IL1R2: variants seen among roughly 807,000 people sequenced by gnomAD.
The protein encoded by IL1R2 is interleukin 1 receptor type 2, also known as interleukin-1 receptor type 2.
Under a neutral mutation model 39.5 loss-of-function variants are expected in IL1R2, and 46 were observed. The ratio of observed to expected loss-of-function variants is 1.16; its 90% confidence interval spans 0.92 to 1.49. The LOEUF (loss-of-function observed/expected upper bound fraction) is 1.49, where lower values mean the gene tolerates loss of function less well. Ranked by LOEUF, IL1R2 falls within the 40% of genes most tolerant of loss-of-function variation. The pLI is 0.00. For missense variants in IL1R2, 537 were observed against 502.0 expected (o/e 1.07, Z -0.67); for synonymous variants, 207 against 189.6 (o/e 1.09, Z -0.75).
At chr2:102,024,306 C>T (rs993155182) in intron 6 of IL1R2, among the ~76,000 whole-genome samples, 2 of 152,164 alleles carry the variant, frequency 1.3e-5, no homozygotes, top group African/African-American at 4.8e-5. Context: ...TCAGGTGCCT[C>T]TTGGTTTTTG....
chr2:102,015,762 G>C (rs1676956429), intron 3 of IL1R2, 109 bp from the exon 4 acceptor site: 2 of 886,658 alleles, frequency 2.3e-6, no homozygotes, highest in Non-Finnish European at 3.5e-6. Context: ...TACTAATCCA[G>C]AAAATGCAGA....
chr2:102,024,857 A>C, intron 7 of IL1R2, 189 bp downstream of exon 7: 1 of 702,034 alleles, frequency 1.4e-6, no homozygotes, highest in Non-Finnish European at 2.2e-6. Flanking sequence ...CTCTGTAAAT[A>C]CTTAAAAGTT....
At chr2:101,996,328 C>T (rs1471196118) in intron 1 of IL1R2, among the ~76,000 whole-genome samples, 2 of 152,024 alleles carry the variant, frequency 1.3e-5, no homozygotes, top group Non-Finnish European at 2.9e-5. Flanking sequence ...CCCACAGACC[C>T]AGGGCAAGCC....
chr2:102,002,589 C>T (rs1339504494), intron 1 of IL1R2, among the ~76,000 whole-genome samples: 5 of 130,182 alleles, frequency 3.8e-5, no homozygotes, highest in East Asian at 2.4e-4. Context: ...TTTATGTCTG[C>T]GTCTGTGTCT....
At chr2:102,000,862 A>G (rs143610192) in intron 1 of IL1R2, among the ~76,000 whole-genome samples, 12 of 152,338 alleles carry the variant, frequency 7.9e-5, no homozygotes, top group Non-Finnish European at 1.6e-4. Context: ...TACCAGACTC[A>G]TGAGTTTTGT....
rs1052308003 is a variant in IL1R2 at position 102,028,358 on chromosome 2, C to A, written c.1163C>A (p.Pro388His). The A allele has an allele frequency of 2.5e-6, 4 of 1,604,690 alleles. No individual in the cohort carries two copies. Among genetic ancestry groups the A allele is most frequent in the East Asian group, 2.2e-5 (1 of 44,638 alleles). Residue 388 changes from proline to histidine, a missense_variant, in exon 9 of 9, where the codon CCT (proline) becomes CAT (histidine). Pro to His is a moderately conservative substitution (Grantham distance 77, BLOSUM62 -2). Coordinates refer to ENST00000332549, the MANE Select transcript of IL1R2 (RefSeq NM_004633.4). The part of the protein sequence containing the change: ...GKADGLTVLW[P>H]HHQDFQSYPK ...GCAGATGGTCTGACTGTGCTATGGC[C>A]TCATCATCAAGACTTTCAATCCTAT...
chr2:102,025,905 A>G (rs1677717431), intron 7 of IL1R2, among the ~76,000 whole-genome samples: 1 of 152,172 alleles, frequency 6.6e-6, no homozygotes, highest in South Asian at 2.1e-4. Flanking sequence ...CGCCAACTTC[A>G]GTGACACTAA....
At chr2:102,014,471 C>T (rs547151330) in intron 3 of IL1R2, among the ~76,000 whole-genome samples, 92 of 152,288 alleles carry the variant, frequency 6.0e-4, no homozygotes, top group Non-Finnish European at 1.1e-3. Context: ...AGTGACATTA[C>T]GCATTTTTCA....
At chr2:101,993,819 AC>A (rs1675459136) in intron 1 of IL1R2, among the ~76,000 whole-genome samples, 1 of 151,974 alleles carries the variant, frequency 6.6e-6, no homozygotes, top group Non-Finnish European at 1.5e-5. Flanking sequence ...CTTTGTCAAG[AC>A]CCTACATTGC....
At chr2:102,022,362 T>C (rs533907927) in intron 6 of IL1R2, 113 bp downstream of exon 6, 10 of 840,872 alleles carry the variant, frequency 1.2e-5, no homozygotes, top group African/African-American at 3.4e-5. Flanking sequence ...TTGGGTGCAA[T>C]GTGCCTGGGT....
chr2:102,018,393 C>A (rs1311061196), intron 4 of IL1R2, among the ~76,000 whole-genome samples: 1 of 152,206 alleles, frequency 6.6e-6, no homozygotes, highest in Non-Finnish European at 1.5e-5. Flanking sequence ...AGTGACTCCA[C>A]CTCTCGAACC....
In IL1R2 at chr2:102,022,186, G is replaced by GA. The variant is rs772911553; in HGVS notation, c.696dup (p.Glu233ArgfsTer27). 23 of 1,609,818 alleles carry GA rather than the reference G, an allele frequency of 1.4e-5. No homozygotes were observed. Among genetic ancestry groups the GA allele is most frequent in the Middle Eastern group, 1.6e-4 (1 of 6,068 alleles). ...ATCTCTTTTCCTTACATCTTTCTCA[G>GA]AAAAAAAAGAAGAGACCATTCCTGT... On this transcript the variant is annotated frameshift_variant and splice_region_variant. Transcript: ENST00000332549. LOFTEE classifies it high-confidence loss of function.
At chr2:102,013,023 T>C (rs1187134921) in intron 3 of IL1R2, among the ~76,000 whole-genome samples, 1 of 152,172 alleles carries the variant, frequency 6.6e-6, no homozygotes, top group Non-Finnish European at 1.5e-5. Flanking sequence ...TCTGCCATGG[T>C]AGGTGGTCAA....
At chr2:102,000,616 C>T (rs1043851411) in intron 1 of IL1R2, among the ~76,000 whole-genome samples, 1 of 152,170 alleles carries the variant, frequency 6.6e-6, no homozygotes, top group African/African-American at 2.4e-5. Context: ...ATAGAGGATG[C>T]TGGGTTTCAG....
intron 4 of IL1R2, among the ~76,000 whole-genome samples, chr2:102,019,055 G>A (rs749974131): frequency 3.3e-5 from 5 of 152,148 alleles, no homozygotes; most frequent in Admixed American, 6.5e-5. Flanking sequence ...ATCCCATTCC[G>A]CTCTTTCTAT....
intron 1 of IL1R2, among the ~76,000 whole-genome samples, chr2:102,001,782 G>C (rs1440930952): frequency 2.6e-5 from 4 of 152,074 alleles, no homozygotes; most frequent in Non-Finnish European, 5.9e-5. Context: ...AAAATTTCCA[G>C]GTTAATTTTG....
Position 102,028,215 on chromosome 2 carries a change from T to C in IL1R2, c.1031-11T>C. 2 of 1,601,160 alleles carry C rather than the reference T, an allele frequency of 1.2e-6. No individual in the cohort carries two copies. The highest frequency in any genetic ancestry group is 8.5e-7 in the Non-Finnish European group (1 of 1,172,880). On this transcript the variant is annotated splice_polypyrimidine_tract_variant and intron_variant, in intron 8 of 8. Coordinates refer to ENST00000332549, the MANE Select transcript of IL1R2 (RefSeq NM_004633.4). ...TGTTCAGCTCCTGATGTGACTCTGT[T>C]CTTCCCACAGCCTCCTCCACGTTCT...
chr2:101,995,257 C>T (rs1675531016), intron 1 of IL1R2, among the ~76,000 whole-genome samples: 2 of 152,306 alleles, frequency 1.3e-5, no homozygotes, highest in Middle Eastern at 3.4e-3. Context: ...ATCAGGAGGT[C>T]AGTGTCAAGT....
Position 102,018,638 on chromosome 2 carries a change from A to G in IL1R2, c.514-1000A>G, listed in dbSNP as rs3218937. ...CCAAGCCTGTTCTAAACTCCCTGAC[A>G]TGCAACCCGATGAAGTAGGAACTGT... On this transcript the variant is annotated intron_variant, in intron 4 of 8. Transcript: ENST00000332549. Among the ~76,000 whole-genome samples the G allele has an allele frequency of 6.2e-3, 937 of 152,280 alleles. 10 individuals are homozygous for G. Among genetic ancestry groups the G allele is most frequent in the African/African-American group, 0.021 (884 of 41,548 alleles).
Sources: gnomAD v4.1 joint callset for allele counts (sites outside exome capture counted in the v4.1 genomes callset) on GRCh38, gnomAD v4.1.1 for gene constraint, MANE v1.5 for transcripts, NCBI Gene and HGNC (gene_info 2026-07-23, HGNC 2026-07-21) for gene names.